TASOR2: variants seen among roughly 807,000 people sequenced by gnomAD.
TASOR2 encodes the protein transcription activation suppressor family member 2.
Under a neutral mutation model 199.5 loss-of-function variants are expected in TASOR2, and 84 were observed. The observed-to-expected ratio is 0.42, with a 90% CI of 0.35 to 0.50. TASOR2 has a LOEUF of 0.50. Ranked by LOEUF, TASOR2 falls within the 20% of genes least tolerant of loss-of-function variation. TASOR2 has a pLI of 0.02. For synonymous variants in TASOR2, 1,103 were observed against 1,046.6 expected, an observed-to-expected ratio of 1.05 and a Z score of -1.04; for missense variants, 2,796 against 2,835.9, an observed-to-expected ratio of 0.99 and a Z score of 0.32.
chr10:5,743,627 T>C (rs1836740675), intron 14 of TASOR2, among the ~76,000 whole-genome samples: 1 of 152,220 alleles, frequency 6.6e-6, no homozygotes, highest in South Asian at 2.1e-4. Flanking sequence ...CTCAAAGAAT[T>C]ACATAAAATC....
In TASOR2 at chr10:5,751,327, TA is replaced by T. The variant is rs534037914; in HGVS notation, c.6606+1301del. 6.7e-3 allele frequency among the ~76,000 whole-genome samples: 1,028 copies of T among 152,358 alleles called. 18 individuals carry two copies. The highest frequency in any genetic ancestry group is 0.024 in the African/African-American group (981 of 41,574). On this transcript the variant is annotated intron_variant, in intron 15 of 20. Transcript: ENST00000328090. The surrounding 1 kb of genome is among the most constrained non-coding windows in gnomAD (Gnocchi z 5.3). ...AGTTATTACTATGATGATTGCCAAATAGTGATACTGAAATTCCACCAGATTC... is the reference window on the plus strand; with the variant it reads ...AGTTATTACTATGATGATTGCCAAATGTGATACTGAAATTCCACCAGATTC...
chr10:5,757,232 T>C (rs1166811104), intron 16 of TASOR2, among the ~76,000 whole-genome samples: 1 of 152,206 alleles, frequency 6.6e-6, no homozygotes, highest in Non-Finnish European at 1.5e-5. Flanking sequence ...CACTTTTCAG[T>C]GCCCACAACC....
rs181613726 is a variant in TASOR2 at position 5,707,983 on chromosome 10, C to T, written c.-287-4840C>T. Among the ~76,000 whole-genome samples the T allele has an allele frequency of 1.8e-3, 276 of 152,246 alleles. No individual in the cohort carries two copies. In the Middle Eastern group the frequency reaches 0.024, roughly 13 times the overall value. On this transcript the variant is annotated intron_variant, in intron 1 of 20. Coordinates refer to ENST00000328090, the Ensembl canonical transcript of TASOR2. ...TAATTTTCCCCTACATAAACAACCTCCTTCATGAATTATTATCAACATAGC... is the reference window on the plus strand; with the variant it reads ...TAATTTTCCCCTACATAAACAACCTTCTTCATGAATTATTATCAACATAGC...
At chr10:5,721,112 T>C (rs1458106915) in intron 6 of TASOR2, 142 bp downstream of exon 7, 1 of 614,948 alleles carries the variant, frequency 1.6e-6, no homozygotes, top group Non-Finnish European at 2.8e-6. Flanking sequence ...TTTGGGTAAA[T>C]GTATAGCACA....
chr10:5,743,920 T>G (rs761172590), intron 14 of TASOR2: 6 of 152,052 alleles, frequency 3.9e-5, no homozygotes, highest in Non-Finnish European at 8.8e-5. Context: ...GCTATCGCAC[T>G]CCCTCCACCA....
intron 6 of TASOR2, among the ~76,000 whole-genome samples, chr10:5,723,082 C>G (rs1485600465): frequency 9.0e-6 from 1 of 111,510 alleles, no homozygotes. Flanking sequence ...GACGGAGTCT[C>G]GCTCTGTCGC....
chr10:5,693,659 C>G (rs2131498558), intron 1 of TASOR2, among the ~76,000 whole-genome samples: 1 of 152,362 alleles, frequency 6.6e-6, no homozygotes, highest in South Asian at 2.1e-4. Context: ...AAAACCACAA[C>G]TATAACTGGC....
chr10:5,755,991 C>CAA (rs111920742), intron 15 of TASOR2, among the ~76,000 whole-genome samples: 12 of 142,760 alleles, frequency 8.4e-5, no homozygotes, highest in Non-Finnish European at 1.4e-4. Flanking sequence ...GACCATGTCT[C>CAA]AAAAAAAAAA....
chr10:5,753,994 TC>T (rs1440600774), intron 15 of TASOR2, among the ~76,000 whole-genome samples: 1 of 152,166 alleles, frequency 6.6e-6, no homozygotes, highest in Non-Finnish European at 1.5e-5. Context: ...ATACTTGGTT[TC>T]TTTCAGCTTC....
At chr10:5,743,230 T>A (rs1404237016) in intron 14 of TASOR2, among the ~76,000 whole-genome samples, 3 of 152,228 alleles carry the variant, frequency 2.0e-5, no homozygotes, top group Non-Finnish European at 4.4e-5. Context: ...CATCTCTGAT[T>A]CCTGTCTTAA....
At chr10:5,708,048 T>C (rs930962172) in intron 1 of TASOR2, among the ~76,000 whole-genome samples, 1 of 152,234 alleles carries the variant, frequency 6.6e-6, no homozygotes, top group Non-Finnish European at 1.5e-5. Flanking sequence ...CACACAATTC[T>C]ACCTCCAGTT....
intron 18 of TASOR2, among the ~76,000 whole-genome samples, chr10:5,759,774 CAG>C (rs1286101108): frequency 3.9e-5 from 6 of 152,216 alleles, no homozygotes; most frequent in Non-Finnish European, 5.9e-5. Context: ...AACAGAATCT[CAG>C]AAAGCTTTTC....
chr10:5,761,401 A>G (rs145466559), exon 19 of TASOR2: 1 of 1,613,974 alleles, frequency 6.2e-7, no homozygotes, highest in East Asian at 2.2e-5. Flanking sequence ...CAACAAAAGC[A>G]GAAATTCTGA....
Position 5,720,852 on chromosome 10 carries a change from T to C in TASOR2, c.47-19T>C. 6.3e-7 allele frequency: 1 copy of C among 1,597,034 alleles called. No individual in the cohort carries two copies. The highest frequency in any genetic ancestry group is 8.5e-7 in the Non-Finnish European group (1 of 1,175,142). ...TTCATCATAAATAATCAGTTTCTTT[T>C]TTACCTTCATTTCTTCAGTTCTCAT... On this transcript the variant is annotated intron_variant, in intron 5 of 20. Transcript: ENST00000328090. This position sits in a 1 kb window ranked among gnomAD's most constrained non-coding sequence, Gnocchi z 5.3.
At chr10:5,686,025 C>A (rs1835772685) in intron 1 of TASOR2, among the ~76,000 whole-genome samples, 2 of 152,094 alleles carry the variant, frequency 1.3e-5, no homozygotes, top group Non-Finnish European at 2.9e-5. Context: ...GTAATCCTGC[C>A]TAGGAGGTTT....
intron 1 of TASOR2, among the ~76,000 whole-genome samples, chr10:5,704,399 TTTCTC>T (rs1178969370): frequency 6.6e-6 from 1 of 152,152 alleles, no homozygotes; most frequent in Non-Finnish European, 1.5e-5. Context: ...ATTCCCCTGT[TTTCTC>T]TATGATTTCA....
At position 5,751,730 on chromosome 10, in the gene TASOR2, C is replaced by T. The variant is rs533858611; in HGVS notation, c.6606+1703C>T. Among the ~76,000 whole-genome samples, 399 of 152,334 alleles carry T rather than the reference C, an allele frequency of 2.6e-3. 2 individuals are homozygous for T. Among genetic ancestry groups the T allele is most frequent in the Non-Finnish European group, 3.6e-3 (248 of 68,026 alleles). On this transcript the variant is annotated intron_variant, in intron 15 of 20. Transcript: ENST00000328090. The surrounding 1 kb of genome is among the most constrained non-coding windows in gnomAD (Gnocchi z 5.3). ...ATTTAGAACCACCATCTAGGCACTG[C>T]GTGAATGAACTCAGTGTCACTTGGT...
At chr10:5,749,875 C>T (rs774302510) in exon 15 of TASOR2, 1 of 1,614,162 alleles carries the variant, frequency 6.2e-7, no homozygotes, top group South Asian at 1.1e-5. Context: ...TCTGCCTTTC[C>T]CAGGACGGTC....
At chr10:5,763,118 C>A in exon 21 of TASOR2, 1 of 1,262,026 alleles carries the variant, frequency 7.9e-7, no homozygotes. Context: ...TGTGAATACA[C>A]ATGTGAACAG....
Sources: gnomAD v4.1 joint callset for allele counts (sites outside exome capture counted in the v4.1 genomes callset) on GRCh38, gnomAD v4.1.1 for gene constraint, Gnocchi (gnomAD v3.1) non-coding constraint, MANE v1.5 for transcripts, NCBI Gene and HGNC (gene_info 2026-07-23, HGNC 2026-07-21) for gene names.